The following TMEM131 variants were observed in gnomAD, a reference collection of about 807,000 sequenced individuals.
TMEM131 encodes the protein 2610524E03Rik.
In TMEM131, 66 loss-of-function variants were observed where a neutral mutation model predicts 211.6. That is an observed-to-expected ratio of 0.31 (90% confidence interval 0.26 to 0.38). TMEM131 has a LOEUF of 0.38. Among genes scored for constraint, TMEM131 ranks in the 10% least tolerant of loss-of-function variants. The probability of loss-of-function intolerance (pLI) is 1.00; values close to 1 mark genes in which losing one functional copy is unlikely to be tolerated. For missense variants in TMEM131, 2,036 were observed against 2,299.3 expected (o/e 0.89, Z 2.34); for synonymous variants, 844 against 841.3 (o/e 1.00, Z -0.06).
intron 24 of TMEM131, 137 bp from the exon 25 acceptor site, chr2:97,802,098 G>C (rs1681063182): frequency 1.8e-6 from 1 of 547,354 alleles, no homozygotes; most frequent in African/African-American, 2.0e-5. Context: ...CAGATTTATA[G>C]CCTTAAGAAA....
chr2:97,906,863 A>G (rs955074191), intron 3 of TMEM131, among the ~76,000 whole-genome samples: 9 of 152,200 alleles, frequency 5.9e-5, no homozygotes, highest in Non-Finnish European at 1.2e-4. Context: ...GCATCATAAA[A>G]TGGTTATTTT....
intron 36 of TMEM131, chr2:97,761,807 G>GTT (rs1678866617): frequency 2.0e-6 from 1 of 488,582 alleles, no homozygotes; most frequent in African/African-American, 2.0e-5. Context: ...CGGTCCACAG[G>GTT]TGGTAAGAAT....
chr2:97,985,958 AAG>A lies in TMEM131; in HGVS notation c.187+9516_187+9517del, dbSNP rs546812295. Among the ~76,000 whole-genome samples the A allele has an allele frequency of 3.6e-4, 55 of 152,100 alleles. 1 individual carries two copies. In the South Asian group the frequency reaches 8.3e-3, roughly 23 times the overall value. On this transcript the variant is annotated intron_variant, in intron 1 of 40. Coordinates refer to ENST00000186436, the MANE Select transcript of TMEM131 (RefSeq NM_015348.2). ...AGGCAGAAACCATTTAAAAAAAAAAAAGAGAGTTGCCTGACAGGTATAAAAAT... is the reference window on the plus strand; with the variant it reads ...AGGCAGAAACCATTTAAAAAAAAAAAAGAGTTGCCTGACAGGTATAAAAAT...
At chr2:97,881,071 G>T (rs542382258) in intron 4 of TMEM131, among the ~76,000 whole-genome samples, 12 of 152,134 alleles carry the variant, frequency 7.9e-5, no homozygotes, top group African/African-American at 2.9e-4. Flanking sequence ...TATGAAAGAC[G>T]CAGGTTCTTT....
At chr2:97,918,353 A>C (rs547350176) in intron 2 of TMEM131, among the ~76,000 whole-genome samples, 1 of 152,214 alleles carries the variant, frequency 6.6e-6, no homozygotes, top group South Asian at 2.1e-4. Flanking sequence ...TCTTATTATT[A>C]AGAAAATTCC....
At chr2:97,939,256 G>GA (rs1677599546) in intron 1 of TMEM131, among the ~76,000 whole-genome samples, 1 of 152,056 alleles carries the variant, frequency 6.6e-6, no homozygotes, top group Admixed American at 6.5e-5. Context: ...TTTTTGAAAA[G>GA]ATCAACAAAA....
rs955255914 is a variant in TMEM131 at position 97,887,801 on chromosome 2, A to G, written c.359+251T>C. On this transcript the variant is annotated intron_variant, in intron 4 of 40. Transcript: ENST00000186436. The stretch of plus-strand genomic sequence containing the variant: ...TAACTATAAGTTCTTTGCTGTTTCC[A>G]AAGAGTCTCTGAACCAGAGACTACA... The G allele has an allele frequency of 2.4e-5, 9 of 372,122 alleles. No homozygotes were observed. In the East Asian group the frequency reaches 3.6e-4, roughly 15 times the overall value. The allele number at this position is 372,122 out of a possible 1,614,324, so 23.1% of individuals were successfully genotyped here. A position where few individuals can be genotyped will look rare whatever the true frequency, so the allele number is the denominator to read the frequency against.
intron 11 of TMEM131, 61 bp from the exon 12 acceptor site, chr2:97,818,782 ATACT>A: frequency 9.1e-7 from 1 of 1,104,314 alleles, no homozygotes; most frequent in Non-Finnish European, 1.3e-6. Flanking sequence ...CAGTTGCCTT[ATACT>A]TATACTGGAA....
intron 31 of TMEM131, among the ~76,000 whole-genome samples, chr2:97,780,331 G>A (rs1394967731): frequency 6.6e-6 from 1 of 152,058 alleles, no homozygotes; most frequent in African/African-American, 2.4e-5. Context: ...AACCTCAAAT[G>A]CCTTTCTCAT....
chr2:97,876,676 A>G (rs1240102518), intron 4 of TMEM131, among the ~76,000 whole-genome samples: 1 of 152,238 alleles, frequency 6.6e-6, no homozygotes, highest in Non-Finnish European at 1.5e-5. Flanking sequence ...AACTGTCAAT[A>G]AACTAGGTAT....
intron 1 of TMEM131, among the ~76,000 whole-genome samples, chr2:97,969,420 G>C (rs1679199526): frequency 6.6e-6 from 1 of 152,100 alleles, no homozygotes; most frequent in African/African-American, 2.4e-5. Context: ...CCCTCCATTA[G>C]TCTGTTACTT....
At chr2:97,863,058 A>G (rs750873413) in intron 4 of TMEM131, among the ~76,000 whole-genome samples, 1 of 152,188 alleles carries the variant, frequency 6.6e-6, no homozygotes, top group Non-Finnish European at 1.5e-5. Context: ...GAAATCTTAC[A>G]GGCCAGGAGA....
At chr2:97,951,318 T>A (rs1678303525) in intron 1 of TMEM131, among the ~76,000 whole-genome samples, 1 of 152,218 alleles carries the variant, frequency 6.6e-6, no homozygotes, top group Admixed American at 6.5e-5. Context: ...CTAGCTCTGC[T>A]GGAGCTCCCA....
At chr2:97,983,666 A>G (rs1251852857) in intron 1 of TMEM131, among the ~76,000 whole-genome samples, 1 of 152,152 alleles carries the variant, frequency 6.6e-6, no homozygotes, top group East Asian at 1.9e-4. Context: ...GGACTGTAGA[A>G]GCTCAAGGGG....
chr2:97,964,009 C>T (rs748433040), intron 1 of TMEM131, among the ~76,000 whole-genome samples: 2 of 152,162 alleles, frequency 1.3e-5, no homozygotes, highest in Non-Finnish European at 2.9e-5. Context: ...AAAAGTGGCA[C>T]AGGTATAGTG....
chr2:97,824,953 T>A (rs1682304361), intron 11 of TMEM131, among the ~76,000 whole-genome samples: 1 of 152,196 alleles, frequency 6.6e-6, no homozygotes, highest in South Asian at 2.1e-4. Context: ...TATATCCAGT[T>A]GTACCCAACC....
intron 5 of TMEM131, among the ~76,000 whole-genome samples, chr2:97,852,161 CTT>C (rs35113797): frequency 0.73 from 93,688 of 128,960 alleles, 35,095 homozygotes; most frequent in African/African-American, 0.84. Context: ...ACGGCATTCT[CTT>C]TTTTTTTTTT....
intron 2 of TMEM131, among the ~76,000 whole-genome samples, chr2:97,922,473 A>G (rs1676783491): frequency 6.6e-6 from 1 of 152,226 alleles, no homozygotes; most frequent in African/African-American, 2.4e-5. Flanking sequence ...ACCAAAATAC[A>G]CATAAACAGC....
chr2:97,837,804 A>G (rs1683003511), intron 7 of TMEM131, among the ~76,000 whole-genome samples: 1 of 152,162 alleles, frequency 6.6e-6, no homozygotes, highest in Non-Finnish European at 1.5e-5. Context: ...TGGGCATAAA[A>G]CCATCACTGT....
Sources: allele counts gnomAD v4.1 joint callset (sites outside exome capture counted in the v4.1 genomes callset), GRCh38; gene constraint gnomAD v4.1.1; transcripts MANE v1.5; gene names NCBI Gene and HGNC (gene_info 2026-07-23, HGNC 2026-07-21).